The following RB1CC1 variants were observed in gnomAD, a reference collection of about 807,000 sequenced individuals.
RB1CC1 encodes the protein RB1 inducible coiled-coil 1.
RB1CC1 carries 46 observed loss-of-function variants against 177.5 expected under a neutral mutation model. The observed-to-expected ratio is 0.26, with a 90% confidence interval of 0.20 to 0.33. RB1CC1 has a LOEUF of 0.33. Ranked by LOEUF, RB1CC1 falls within the 10% of genes least tolerant of loss-of-function variation. The pLI, the probability that RB1CC1 is intolerant of heterozygous loss-of-function variation, is 1.00. For synonymous variants in RB1CC1, 666 were observed against 613.6 expected (o/e 1.09, Z -1.26); for missense variants, 1,703 against 1,816.3 (o/e 0.94, Z 1.13).
chr8:52,687,706 T>C (rs1330510603), intron 1 of RB1CC1, among the ~76,000 whole-genome samples: 1 of 152,172 alleles, frequency 6.6e-6, no homozygotes, highest in African/African-American at 2.4e-5. Flanking sequence ...GATCCTTTCC[T>C]AGTTGAGCCT....
Position 52,661,140 on chromosome 8 carries a change from A to G in RB1CC1, c.1500T>C (p.Val500=), listed in dbSNP as rs764648994. 2 of 1,613,720 alleles carry G rather than the reference A, an allele frequency of 1.2e-6. No homozygotes were observed. The highest frequency in any genetic ancestry group is 8.5e-7 in the Non-Finnish European group (1 of 1,179,832). ...STVPQMYCLA[V]VEVVRRKMFI... ...ACATTTTTCTTCTTACAACCTCAAC[A>G]ACAGCTAAGCAGTACATCTGAGGAA... Residue 500 remains valine (V), a synonymous_variant, in exon 10 of 24, where the codon GTT becomes GTC. Transcript: ENST00000025008.
At chr8:52,671,351 GA>G (rs929415356) in intron 7 of RB1CC1, among the ~76,000 whole-genome samples, 29 of 152,028 alleles carry the variant, frequency 1.9e-4, no homozygotes, top group East Asian at 9.7e-4. Flanking sequence ...TCCTTTTACG[GA>G]AAAAAAATCT....
Position 52,660,629 on chromosome 8 carries a change from A to G in RB1CC1, c.1656T>C (p.Phe552=), listed in dbSNP as rs762609861. ...AAGGGGGCCAGGAGTCCAGTCCCCTAAACAGACGATTTCTTAAAAAAGACT... is the reference window on the plus strand; with the variant it reads ...AAGGGGGCCAGGAGTCCAGTCCCCTGAACAGACGATTTCTTAAAAAAGACT... ...FRKSFLRNRL[F]RGLDSWPPSF... Residue 552 remains phenylalanine (F), a synonymous_variant, in exon 12 of 24, where the codon TTT becomes TTC. Transcript: ENST00000025008. 1 of 1,600,520 alleles carries G rather than the reference A, an allele frequency of 6.2e-7. No homozygotes were observed. The highest frequency in any genetic ancestry group is 1.1e-5 in the South Asian group (1 of 87,142).
At chr8:52,652,254 CAGG>C (rs1358999173) in intron 15 of RB1CC1, among the ~76,000 whole-genome samples, 1 of 151,980 alleles carries the variant, frequency 6.6e-6, no homozygotes, top group East Asian at 1.9e-4. Flanking sequence ...ATCACAAGGT[CAGG>C]AGATCGAGAC....
At chr8:52,699,647 GAA>G (rs373480962) in intron 1 of RB1CC1, among the ~76,000 whole-genome samples, 1,519 of 123,664 alleles carry the variant, frequency 0.012, 21 homozygotes, top group Non-Finnish European at 0.019. Flanking sequence ...TGTCTCTAGT[GAA>G]AAAAAAAAAA....
intron 15 of RB1CC1, among the ~76,000 whole-genome samples, chr8:52,649,203 T>C (rs1041415666): frequency 7.2e-5 from 11 of 152,158 alleles, no homozygotes; most frequent in Non-Finnish European, 1.3e-4. Flanking sequence ...TCAATAAAGG[T>C]TGTCCAACTA....
chr8:52,685,355 A>G, intron 3 of RB1CC1, 44 bp downstream of exon 3: 8 of 1,364,180 alleles, frequency 5.9e-6, no homozygotes, highest in Non-Finnish European at 8.3e-6. Flanking sequence ...AACTTTCTGC[A>G]TGCAGACAGA....
intron 16 of RB1CC1, among the ~76,000 whole-genome samples, chr8:52,645,093 T>C (rs1237504826): frequency 6.6e-6 from 1 of 152,142 alleles, no homozygotes; most frequent in African/African-American, 2.4e-5. Flanking sequence ...AGGCATCTGG[T>C]TTTTTATCTA....
rs16918085 is a variant in RB1CC1, at chr8:52,669,184, C to A, written c.1003-993G>T. 6.3e-3 allele frequency among the ~76,000 whole-genome samples: 952 copies of A among 152,236 alleles called. 11 individuals carry two copies. Among genetic ancestry groups the A allele is most frequent in the African/African-American group, 0.022 (924 of 41,538 alleles). On this transcript the variant is annotated intron_variant, in intron 7 of 23. Transcript: ENST00000025008. ...TTACTATGCTTGTTCCTAATAAAAC[C>A]CTCAAATGACTTTCTTCTGCCCACA...
chr8:52,697,864 T>C (rs1258966112), intron 1 of RB1CC1, among the ~76,000 whole-genome samples: 1 of 152,192 alleles, frequency 6.6e-6, no homozygotes, highest in African/African-American at 2.4e-5. Context: ...TTTGTAGAGG[T>C]AGGTAAGCAA....
Position 52,658,968 on chromosome 8 carries a change from C to A in RB1CC1, c.1698G>T (p.Lys566Asn). 2 of 1,536,314 alleles carry A rather than the reference C, an allele frequency of 1.3e-6. No individual in the cohort carries two copies. The highest frequency in any genetic ancestry group is 8.8e-7 in the Non-Finnish European group (1 of 1,141,324). Residue 566 changes from lysine (K) to asparagine (N), a missense_variant, in exon 13 of 24, where the codon AAG (lysine) becomes AAT (asparagine). By Grantham distance (94) the Lys-to-Asn change is moderately conservative. Around this residue, in one of 6 missense-constraint regions of RB1CC1, gnomAD observed 1,169 missense variants for 1,184.7 expected, o/e 0.99. Coordinates refer to ENST00000025008, the MANE Select transcript of RB1CC1 (RefSeq NM_014781.5). The stretch of plus-strand genomic sequence containing the variant: ...GAAGTTCACAGTCAAACTTTCGAGG[C>A]TTTTGAGTCTGTACCAAAAAAATTA... Reference protein sequence around the residue: ...DSWPPSFCTQKPRKFDCELPD... With the variant: ...DSWPPSFCTQNPRKFDCELPD...
intron 1 of RB1CC1, among the ~76,000 whole-genome samples, chr8:52,706,144 A>AT (rs1051215029): frequency 2.3e-5 from 1 of 43,946 alleles, no homozygotes; most frequent in Non-Finnish European, 6.0e-5. Context: ...CATATCCATT[A>AT]AAAAAAAAAG....
rs79308543 is a variant in RB1CC1 at position 52,680,781 on chromosome 8, A to G, written c.369+2768T>C. ...ATTCTCAGGAACATCATGTTGCGTA[A>G]AAGAGGCTAGACACAAAAGAACAGA... On this transcript the variant is annotated intron_variant, in intron 5 of 23. Transcript: ENST00000025008. Among the ~76,000 whole-genome samples the G allele has an allele frequency of 3.4e-4, 52 of 152,342 alleles. No homozygotes were observed. In the East Asian group the frequency reaches 8.9e-3, roughly 26 times the overall value.
chr8:52,707,506 T>C (rs974823492), intron 1 of RB1CC1, among the ~76,000 whole-genome samples: 1 of 149,162 alleles, frequency 6.7e-6, no homozygotes, highest in African/African-American at 2.5e-5. Flanking sequence ...GTCCAAGTCC[T>C]ACCCATTTTT....
At chr8:52,710,187 C>T (rs753309429) in intron 1 of RB1CC1, among the ~76,000 whole-genome samples, 15 of 152,154 alleles carry the variant, frequency 9.9e-5, no homozygotes, top group Non-Finnish European at 1.9e-4. Flanking sequence ...TCTGATCCTA[C>T]CCCTTCTCTG....
At chr8:52,628,859 C>G (rs904016316) in intron 21 of RB1CC1, among the ~76,000 whole-genome samples, 1 of 152,144 alleles carries the variant, frequency 6.6e-6, no homozygotes, top group Non-Finnish European at 1.5e-5. Flanking sequence ...AGATCCTATA[C>G]CTAATAAATC....
intron 15 of RB1CC1, among the ~76,000 whole-genome samples, chr8:52,647,302 T>G (rs940986511): frequency 2.6e-5 from 4 of 152,168 alleles, no homozygotes; most frequent in Admixed American, 6.6e-5. Context: ...CTGAGACTCC[T>G]TACTTAGTTC....
At chr8:52,680,509 G>T (rs896344944) in intron 5 of RB1CC1, among the ~76,000 whole-genome samples, 1 of 151,932 alleles carries the variant, frequency 6.6e-6, no homozygotes, top group East Asian at 1.9e-4. Flanking sequence ...GTACAGAAGA[G>T]ATTGCAGAAG....
At chr8:52,646,509 A>G (rs556833106) in intron 15 of RB1CC1, among the ~76,000 whole-genome samples, 1 of 152,338 alleles carries the variant, frequency 6.6e-6, no homozygotes, top group East Asian at 1.9e-4. Flanking sequence ...AATTTACACA[A>G]TGACTTAGGA....
Sources: gnomAD v4.1 joint callset for allele counts (sites outside exome capture counted in the v4.1 genomes callset) on GRCh38, gnomAD v4.1.1 for gene constraint, gnomAD v4.1.1 regional missense constraint, MANE v1.5 for transcripts, NCBI Gene and HGNC (gene_info 2026-07-23, HGNC 2026-07-21) for gene names.